ITPR2: variants seen among roughly 807,000 people sequenced by gnomAD.
ITPR2 encodes the protein inositol 1,4,5-trisphosphate receptor type 2, also known as inositol 1,4,5-trisphosphate-gated calcium channel ITPR2.
In ITPR2, 207 loss-of-function variants were observed where a neutral mutation model predicts 317.1. The observed-to-expected ratio is 0.65, with a 90% CI of 0.58 to 0.73. ITPR2 has a LOEUF of 0.73. ITPR2 is among the 30% of genes least tolerant of loss of function. The probability of loss-of-function intolerance (pLI) is 0.00; values close to 1 mark genes in which losing one functional copy is unlikely to be tolerated. For synonymous variants in ITPR2, 1,156 were observed against 1,149.1 expected (o/e 1.01, Z -0.12); for missense variants, 2,613 against 3,284.0 (o/e 0.80, Z 4.99).
intron 1 of ITPR2, among the ~76,000 whole-genome samples, chr12:26,806,334 T>C (rs948392739): frequency 1.3e-5 from 2 of 152,136 alleles, no homozygotes; most frequent in Non-Finnish European, 2.9e-5. Flanking sequence ...ACTCAACTTC[T>C]TGGTGGAAAA....
chr12:26,722,971 T>C (rs1016177599), intron 4 of ITPR2, among the ~76,000 whole-genome samples: 1 of 152,108 alleles, frequency 6.6e-6, no homozygotes, highest in African/African-American at 2.4e-5. Context: ...ACCCACTTAC[T>C]ATTATTAACC....
intron 30 of ITPR2, 48 bp downstream of exon 30, chr12:26,599,097 G>T: frequency 2.0e-6 from 3 of 1,520,284 alleles, no homozygotes; most frequent in South Asian, 2.3e-5. Flanking sequence ...ATGCATATTT[G>T]AACATACTGT....
intron 2 of ITPR2, among the ~76,000 whole-genome samples, chr12:26,781,812 C>T (rs886665944): frequency 4.6e-5 from 7 of 151,764 alleles, no homozygotes; most frequent in Non-Finnish European, 1.0e-4. Flanking sequence ...GCTGCCAGCA[C>T]GGCCAGAATA....
chr12:26,412,246 T>C (rs1406672025), intron 51 of ITPR2, among the ~76,000 whole-genome samples: 3 of 152,130 alleles, frequency 2.0e-5, no homozygotes, highest in Non-Finnish European at 4.4e-5. Context: ...ACTAATCAGC[T>C]GAGATGGGGT....
chr12:26,545,874 T>C (rs1253359086), intron 37 of ITPR2, among the ~76,000 whole-genome samples: 6 of 152,192 alleles, frequency 3.9e-5, no homozygotes, highest in African/African-American at 1.4e-4. Context: ...TCCCAACTCA[T>C]TCCCAAACTG....
At chr12:26,398,057 GGTGTGTGTGTGTGTGTGTGTGT>G (rs35660888) in intron 54 of ITPR2, among the ~76,000 whole-genome samples, 1 of 135,002 alleles carries the variant, frequency 7.4e-6, no homozygotes, top group Non-Finnish European at 1.6e-5. Context: ...GGAGGGGAGT[GGTGTGTGTGTGTGTGTGTGTGT>G]GTGTGTGTGT....
chr12:26,693,722 C>T (rs562202400), intron 10 of ITPR2, among the ~76,000 whole-genome samples: 1 of 152,178 alleles, frequency 6.6e-6, no homozygotes, highest in Non-Finnish European at 1.5e-5. Flanking sequence ...TATTCTCCCA[C>T]TCTGCTCAGG....
intron 34 of ITPR2, among the ~76,000 whole-genome samples, chr12:26,573,996 A>C (rs1591917474): frequency 6.6e-6 from 1 of 152,240 alleles, no homozygotes; most frequent in East Asian, 1.9e-4. Flanking sequence ...AGATTTGGAC[A>C]AGGGTGACAC....
At chr12:26,790,919 A>G (rs1950330231) in intron 1 of ITPR2, among the ~76,000 whole-genome samples, 1 of 152,216 alleles carries the variant, frequency 6.6e-6, no homozygotes, top group Non-Finnish European at 1.5e-5. Flanking sequence ...GAAAGATTAA[A>G]TGACTTAGTA....
At chr12:26,493,151 C>T (rs780010889) in intron 39 of ITPR2, among the ~76,000 whole-genome samples, 3 of 152,106 alleles carry the variant, frequency 2.0e-5, no homozygotes, top group Non-Finnish European at 4.4e-5. Context: ...ATTTTAAACA[C>T]TTTCTTTTCT....
At chr12:26,342,564 A>C (rs1158900084) in intron 55 of ITPR2, among the ~76,000 whole-genome samples, 2 of 143,954 alleles carry the variant, frequency 1.4e-5, no homozygotes, top group African/African-American at 2.6e-5. Flanking sequence ...CACAGTAGTA[A>C]GTGAGCTATC....
intron 55 of ITPR2, among the ~76,000 whole-genome samples, chr12:26,368,723 AT>A (rs1242023383): frequency 6.6e-6 from 1 of 152,206 alleles, no homozygotes; most frequent in African/African-American, 2.4e-5. Flanking sequence ...TTATTCAGTC[AT>A]TTATTCATTC....
intron 47 of ITPR2, among the ~76,000 whole-genome samples, chr12:26,438,234 A>T (rs970374208): frequency 1.3e-5 from 2 of 152,208 alleles, no homozygotes; most frequent in Non-Finnish European, 2.9e-5. Context: ...TGATTTTTTT[A>T]AAAGCATTCT....
chr12:26,672,942 A>C (rs1367920137), intron 13 of ITPR2, among the ~76,000 whole-genome samples: 1 of 152,232 alleles, frequency 6.6e-6, no homozygotes, highest in Non-Finnish European at 1.5e-5. Context: ...ATAAACTAGA[A>C]AATCTAGAAG....
rs1940091627 is a variant in ITPR2, at chr12:26,399,139, A to G, written c.7531-98T>C. Reference sequence around the variant, plus strand: ...TTCAATAAATGTTTGTGAAATGAATATAAATAGTATCCCAAGTTGGAAAAA... The same window carrying G: ...TTCAATAAATGTTTGTGAAATGAATGTAAATAGTATCCCAAGTTGGAAAAA... On this transcript the variant is annotated intron_variant, in intron 53 of 56. Transcript: ENST00000381340. The G allele has an allele frequency of 4.6e-6, 4 of 879,042 alleles. No individual in the cohort carries two copies. In the South Asian group the frequency reaches 1.1e-4, roughly 25 times the overall value. 54.5% of individuals were successfully genotyped at this position (879,042 alleles called of 1,614,324 possible). A position where few individuals can be genotyped will look rare whatever the true frequency, so the allele number is the denominator to read the frequency against.
chr12:26,383,271 T>A (rs1342411198), intron 55 of ITPR2, among the ~76,000 whole-genome samples: 1 of 152,172 alleles, frequency 6.6e-6, no homozygotes, highest in Non-Finnish European at 1.5e-5. Context: ...TGCAGAACTG[T>A]GAGCCAAATA....
At chr12:26,816,273 G>A (rs1950850580) in intron 1 of ITPR2, among the ~76,000 whole-genome samples, 1 of 151,982 alleles carries the variant, frequency 6.6e-6, no homozygotes, top group Non-Finnish European at 1.5e-5. Context: ...TAATACTTTA[G>A]GTATCTGATG....
At chr12:26,360,612 CAG>C (rs1938795686) in intron 55 of ITPR2, among the ~76,000 whole-genome samples, 1 of 152,156 alleles carries the variant, frequency 6.6e-6, no homozygotes, top group Non-Finnish European at 1.5e-5. Context: ...CCCTAACAAA[CAG>C]AATTTATTTG....
intron 55 of ITPR2, among the ~76,000 whole-genome samples, chr12:26,369,207 G>A (rs1306453588): frequency 2.6e-5 from 4 of 152,198 alleles, no homozygotes; most frequent in East Asian, 1.9e-4. Context: ...AAGAAGGTTC[G>A]GGTTTATTCT....
Sources: allele counts gnomAD v4.1 joint callset (sites outside exome capture counted in the v4.1 genomes callset), GRCh38; gene constraint gnomAD v4.1.1; transcripts MANE v1.5; gene names NCBI Gene and HGNC (gene_info 2026-07-23, HGNC 2026-07-21).